The following RIC1 variants were observed in gnomAD, a reference collection of about 807,000 sequenced individuals.
RIC1 encodes guanine nucleotide exchange factor subunit RIC1.
A neutral mutation model predicts 169.0 loss-of-function variants in RIC1; 88 were observed. The ratio of observed to expected loss-of-function variants is 0.52; its 90% CI spans 0.44 to 0.62. The LOEUF is 0.62. RIC1 is among the 20% of genes least tolerant of loss of function. The pLI is 0.00. For missense variants in RIC1, 1,877 were observed against 1,725.5 expected, an observed-to-expected ratio of 1.09 and a Z score of -1.56; for synonymous variants, 790 against 601.5, an observed-to-expected ratio of 1.31 and a Z score of -4.59.
chr9:5,696,438 T>C (rs1360566019), intron 3 of RIC1, among the ~76,000 whole-genome samples: 1 of 152,138 alleles, frequency 6.6e-6, no homozygotes, highest in Non-Finnish European at 1.5e-5. Context: ...TTATCTGAGT[T>C]GGTTTTCAAG....
chr9:5,684,271 TCCACCCCC>T (rs1821062637), intron 2 of RIC1, among the ~76,000 whole-genome samples: 2 of 9,294 alleles, frequency 2.2e-4, no homozygotes, highest in Admixed American at 1.2e-3. Context: ...CCATCTTGGC[TCCACCCCC>T]CCCCCCCCCC....
At chr9:5,670,105 C>T (rs373107027) in intron 2 of RIC1, among the ~76,000 whole-genome samples, 2 of 152,182 alleles carry the variant, frequency 1.3e-5, no homozygotes, top group African/African-American at 4.8e-5. Context: ...CTCACAAATA[C>T]AGGAAATTTT....
At chr9:5,681,198 T>C (rs1490381539) in intron 2 of RIC1, among the ~76,000 whole-genome samples, 1 of 152,212 alleles carries the variant, frequency 6.6e-6, no homozygotes, top group Non-Finnish European at 1.5e-5. Flanking sequence ...TCTTACCTTC[T>C]GCTAGCTTTT....
At chr9:5,680,624 G>C (rs1820760913) in intron 2 of RIC1, among the ~76,000 whole-genome samples, 1 of 152,060 alleles carries the variant, frequency 6.6e-6, no homozygotes, top group Admixed American at 6.6e-5. Flanking sequence ...AGATTTTCTA[G>C]TTTATTTGTG....
intron 2 of RIC1, among the ~76,000 whole-genome samples, chr9:5,684,152 C>T (rs1401399114): frequency 2.0e-5 from 3 of 151,872 alleles, no homozygotes; most frequent in Non-Finnish European, 2.9e-5. Flanking sequence ...ACCCACTGTC[C>T]GGCACACCCC....
intron 6 of RIC1, among the ~76,000 whole-genome samples, chr9:5,731,152 GTC>G (rs1186294614): frequency 4.0e-5 from 6 of 151,898 alleles, no homozygotes; most frequent in Admixed American, 3.9e-4. Context: ...TAACTTGTCT[GTC>G]TCTTGACTCA....
chr9:5,743,174 A>G (rs1211497973), intron 9 of RIC1, among the ~76,000 whole-genome samples, 161 bp downstream of exon 9: 5 of 152,206 alleles, frequency 3.3e-5, no homozygotes, highest in Non-Finnish European at 7.4e-5. Flanking sequence ...TTCTCTGAAC[A>G]TTCATTTTTT....
intron 1 of RIC1, among the ~76,000 whole-genome samples, chr9:5,630,752 GTA>G (rs1202839661): frequency 2.0e-5 from 3 of 152,162 alleles, no homozygotes; most frequent in Admixed American, 6.5e-5. Flanking sequence ...ATATATGTAT[GTA>G]TGTGTGTGTG....
At chr9:5,671,433 G>T (rs533589373) in intron 2 of RIC1, among the ~76,000 whole-genome samples, 1 of 152,080 alleles carries the variant, frequency 6.6e-6, no homozygotes, top group Admixed American at 6.6e-5. Flanking sequence ...TCGCCACCAG[G>T]CCCAACTAAT....
intron 12 of RIC1, among the ~76,000 whole-genome samples, chr9:5,751,430 A>G (rs1825717886): frequency 6.6e-6 from 1 of 151,790 alleles, no homozygotes; most frequent in Admixed American, 6.5e-5. Flanking sequence ...ATCTCGGCTC[A>G]CTGCAACCTC....
intron 3 of RIC1, among the ~76,000 whole-genome samples, chr9:5,704,548 T>G (rs1822441222): frequency 1.3e-5 from 2 of 152,188 alleles, no homozygotes; most frequent in Non-Finnish European, 2.9e-5. Context: ...TATCTTTGAG[T>G]TATAAGAATT....
At chr9:5,742,014 A>G (rs1481047094) in intron 8 of RIC1, among the ~76,000 whole-genome samples, 3 of 152,194 alleles carry the variant, frequency 2.0e-5, no homozygotes, top group East Asian at 1.9e-4. Context: ...ACCACATTAA[A>G]TTGCACAAAT....
chr9:5,717,478 A>T (rs1001721829), intron 4 of RIC1, among the ~76,000 whole-genome samples: 3 of 152,182 alleles, frequency 2.0e-5, no homozygotes, highest in African/African-American at 7.2e-5. Context: ...TCTGGAATTA[A>T]TGCAAGCAGA....
At chr9:5,747,161 C>T (rs1001886569) in intron 11 of RIC1, 141 bp from the exon 12 acceptor site, 4 of 646,744 alleles carry the variant, frequency 6.2e-6, no homozygotes, top group East Asian at 2.7e-5. Context: ...TCTTTGTCCT[C>T]TGTGAAGAAA....
chr9:5,642,273 GGGATGTGTTCATGCGTTGATGCAA>G lies in RIC1; in HGVS notation c.144+12822_144+12845del, dbSNP rs1407696306. On this transcript the variant is annotated intron_variant, in intron 1 of 25. Transcript: ENST00000414202. ...CTCTGTGCTGAGTCTCCTGGAACTA[GGGATGTGTTCATGCGTTGATGCAA>G]GCACCCCTGTTGCCACCACCACTGA... 2.8e-5 allele frequency among the ~76,000 whole-genome samples: 4 copies of G among 144,810 alleles called. 2 individuals carry two copies. The highest frequency in any genetic ancestry group is 1.1e-4 in the African/African-American group (4 of 35,468).
intron 3 of RIC1, among the ~76,000 whole-genome samples, chr9:5,690,910 TA>T (rs1487776680): frequency 6.6e-6 from 1 of 151,868 alleles, no homozygotes; most frequent in African/African-American, 2.4e-5. Context: ...CAAGAGAAAG[TA>T]TTTAGACCCA....
chr9:5,726,730 C>A (rs958928976), intron 6 of RIC1, among the ~76,000 whole-genome samples: 5 of 152,178 alleles, frequency 3.3e-5, no homozygotes, highest in Non-Finnish European at 7.3e-5. Context: ...CCTTCAGGAG[C>A]TCTTGTAAGG....
At position 5,743,013 on chromosome 9, in the gene RIC1, C is replaced by T. The variant is rs775662535; in HGVS notation, c.1046C>T (p.Ala349Val). 2.8e-5 allele frequency: 45 copies of T among 1,600,840 alleles called. No individual in the cohort carries two copies. The highest frequency in any genetic ancestry group is 5.3e-5 in the Admixed American group (3 of 56,326). Residue 349 changes from alanine (A) to valine (V), a missense_variant and splice_region_variant, in exon 9 of 26, where the codon GCT becomes GTT. Coordinates refer to ENST00000414202, the MANE Select transcript of RIC1 (RefSeq NM_020829.4). ...QLICTLGGDFAYRSDGTKKDP... is the reference protein window; with the variant it reads ...QLICTLGGDFVYRSDGTKKDP... ...ATTTGTACACTTGGAGGAGATTTTGCGTAAGTCAAAAAAGACAATTTTTAG... is the reference window on the plus strand; with the variant it reads ...ATTTGTACACTTGGAGGAGATTTTGTGTAAGTCAAAAAAGACAATTTTTAG...
At chr9:5,658,011 A>G (rs555112628) in intron 2 of RIC1, among the ~76,000 whole-genome samples, 1 of 152,240 alleles carries the variant, frequency 6.6e-6, no homozygotes, top group East Asian at 1.9e-4. Context: ...CAGCAAGTGT[A>G]TGTGGTGCTC....
Sources: gnomAD v4.1 joint callset for allele counts (sites outside exome capture counted in the v4.1 genomes callset) on GRCh38, gnomAD v4.1.1 for gene constraint, MANE v1.5 for transcripts, NCBI Gene and HGNC (gene_info 2026-07-23, HGNC 2026-07-21) for gene names.